The following CLIP4 variants were observed in gnomAD, a reference collection of about 807,000 sequenced individuals.
CLIP4 encodes CAP-Gly domain containing linker protein family member 4, also known as CAP-Gly domain-containing linker protein 4.
In CLIP4, 47 loss-of-function variants were observed where a neutral mutation model predicts 73.1. That is an observed-to-expected ratio of 0.64 (90% CI 0.51 to 0.82). CLIP4 has a LOEUF of 0.82. Among genes scored for constraint, CLIP4 ranks in the 40% least tolerant of loss-of-function variants. CLIP4 has a pLI of 0.00. For missense variants in CLIP4, 874 were observed against 852.9 expected, an observed-to-expected ratio of 1.02 and a Z score of -0.31; for synonymous variants, 306 against 295.4, an observed-to-expected ratio of 1.04 and a Z score of -0.37.
intron 8 of CLIP4, 24 bp downstream of exon 8, chr2:29,145,391 G>A (rs1461435078): frequency 2.6e-6 from 4 of 1,540,660 alleles, no homozygotes; most frequent in Admixed American, 1.9e-5. Context: ...TATTTAACTC[G>A]GTAAGAATTA....
intron 6 of CLIP4, among the ~76,000 whole-genome samples, chr2:29,136,188 G>T (rs12714265): frequency 0.22 from 32,376 of 143,978 alleles, 3,838 homozygotes; most frequent in African/African-American, 0.33. Context: ...TGTTGTTGTT[G>T]TTTTTTTTTT....
chr2:29,160,461 G>A lies in CLIP4; in HGVS notation c.1528G>A (p.Ala510Thr), dbSNP rs188060424. 6 of 1,614,012 alleles carry A rather than the reference G, an allele frequency of 3.7e-6. No homozygotes were observed. The highest frequency in any genetic ancestry group is 1.3e-5 in the African/African-American group (1 of 75,016). The stretch of plus-strand genomic sequence containing the variant: ...TAGGTTCTTTGGGACAACAAACTTC[G>A]CTCCAGGTAACTCATCTGCATATTT... ...TIRFFGTTNFAPGYWYGIELE... is the reference protein window; with the variant it reads ...TIRFFGTTNFTPGYWYGIELE... The change falls in exon 12 of 16, where the codon GCT becomes ACT. Residue 510 changes from alanine to threonine, a missense_variant. Coordinates refer to ENST00000320081, the MANE Select transcript of CLIP4 (RefSeq NM_024692.6).
intron 5 of CLIP4, among the ~76,000 whole-genome samples, chr2:29,135,099 C>G (rs1665255169): frequency 6.6e-6 from 1 of 152,068 alleles, no homozygotes; most frequent in Non-Finnish European, 1.5e-5. Flanking sequence ...AATGAGTGTG[C>G]CTGTGTTCTA....
chr2:29,144,798 CTTTT>C (rs34304199), intron 7 of CLIP4, among the ~76,000 whole-genome samples: 3 of 84,286 alleles, frequency 3.6e-5, no homozygotes, highest in Non-Finnish European at 6.6e-5. Flanking sequence ...AGTTATATCC[CTTTT>C]TTTTTTTTTT....
intron 6 of CLIP4, among the ~76,000 whole-genome samples, chr2:29,143,231 C>T (rs966102389): frequency 3.3e-5 from 5 of 152,182 alleles, no homozygotes; most frequent in Non-Finnish European, 5.9e-5. Context: ...GCACCGCTCC[C>T]CACATGGACG....
At chr2:29,164,437 A>G (rs1667476949) in intron 13 of CLIP4, among the ~76,000 whole-genome samples, 1 of 152,234 alleles carries the variant, frequency 6.6e-6, no homozygotes, top group African/African-American at 2.4e-5. Flanking sequence ...GTGAAACTTC[A>G]AGGATTTTTA....
At chr2:29,170,246 G>A (rs921458493) in intron 14 of CLIP4, among the ~76,000 whole-genome samples, 7 of 152,136 alleles carry the variant, frequency 4.6e-5, no homozygotes, top group African/African-American at 7.2e-5. Flanking sequence ...TCAATGTACT[G>A]ATTTCCTTTC....
chr2:29,181,750 C>G lies in CLIP4; in HGVS notation c.1975C>G (p.Arg659Gly), dbSNP rs780523421. Reference protein sequence around the residue: ...ASGIWLGLELRSAKGKNDGSV... With the variant: ...ASGIWLGLELGSAKGKNDGSV... The stretch of plus-strand genomic sequence containing the variant: ...AGGTATCTGGCTTGGACTTGAGCTC[C>G]GAAGCGCCAAGGGAAAAAATGATGG... The change falls in exon 16 of 16, where the codon CGA becomes GGA. Residue 659 changes from arginine (R) to glycine (G), a missense_variant. By Grantham distance (125) the Arg-to-Gly change is moderately radical. Coordinates refer to ENST00000320081, the MANE Select transcript of CLIP4 (RefSeq NM_024692.6). 7 of 1,613,912 alleles carry G rather than the reference C, an allele frequency of 4.3e-6. No homozygotes were observed. In the Admixed American group the frequency reaches 8.3e-5, roughly 19 times the overall value.
At chr2:29,102,518 G>A (rs775852141) in intron 1 of CLIP4, among the ~76,000 whole-genome samples, 16 of 152,130 alleles carry the variant, frequency 1.1e-4, no homozygotes, top group South Asian at 4.1e-4. Context: ...CCTGGCTCTC[G>A]TCCCTCTCAC....
intron 14 of CLIP4, among the ~76,000 whole-genome samples, chr2:29,168,606 T>C (rs1243540518): frequency 7.4e-6 from 1 of 134,258 alleles, no homozygotes; most frequent in Non-Finnish European, 1.5e-5. Context: ...CACCGCAAGC[T>C]CCGCCTCCCA....
intron 6 of CLIP4, among the ~76,000 whole-genome samples, chr2:29,139,218 G>C (rs948207345): frequency 6.6e-6 from 1 of 151,852 alleles, no homozygotes; most frequent in East Asian, 1.9e-4. Context: ...TATCATGAAG[G>C]GGTGTTGGAA....
chr2:29,152,650 ATTGT>A (rs1666650187), intron 8 of CLIP4, 31 bp from the exon 9 acceptor site: 2 of 1,597,754 alleles, frequency 1.3e-6, no homozygotes, highest in East Asian at 4.5e-5. Flanking sequence ...AAATGTTTTA[ATTGT>A]TTAACACTAA....
intron 14 of CLIP4, among the ~76,000 whole-genome samples, chr2:29,170,761 G>A (rs1667951880): frequency 6.6e-6 from 1 of 151,258 alleles, no homozygotes; most frequent in Non-Finnish European, 1.5e-5. Context: ...TCCATTTTGA[G>A]TTAATTTTTG....
chr2:29,131,631 G>T (rs1572906809), intron 3 of CLIP4: 1 of 357,812 alleles, frequency 2.8e-6, no homozygotes. Flanking sequence ...TGCAGGGAGG[G>T]GCATTTTTCA....
chr2:29,162,137 A>G (rs1667334392), intron 12 of CLIP4, among the ~76,000 whole-genome samples: 1 of 152,176 alleles, frequency 6.6e-6, no homozygotes, highest in Admixed American at 6.5e-5. Context: ...CTCTGATGTT[A>G]TTAAACCAAG....
At chr2:29,133,321 T>C (rs1665113289) in intron 4 of CLIP4, among the ~76,000 whole-genome samples, 1 of 152,174 alleles carries the variant, frequency 6.6e-6, no homozygotes, top group Non-Finnish European at 1.5e-5. Flanking sequence ...CGGAACACGT[T>C]TGGGGGAGCA....
chr2:29,168,547 G>A (rs1339142383), intron 14 of CLIP4, among the ~76,000 whole-genome samples: 11 of 103,996 alleles, frequency 1.1e-4, no homozygotes, highest in Non-Finnish European at 1.9e-4. Flanking sequence ...TTTTTGAGAC[G>A]AGTCTCTCTC....
At chr2:29,123,795 A>G (rs1664420498) in intron 2 of CLIP4, among the ~76,000 whole-genome samples, 1 of 152,198 alleles carries the variant, frequency 6.6e-6, no homozygotes, top group African/African-American at 2.4e-5. Flanking sequence ...TAATGAGTGT[A>G]AAACAAAGAA....
Position 29,138,277 on chromosome 2 carries a change from T to A in CLIP4, c.648+2611T>A, listed in dbSNP as rs561012020. 3.3e-5 allele frequency among the ~76,000 whole-genome samples: 5 copies of A among 152,240 alleles called. No homozygotes were observed. The South Asian group carries it at 1.0e-3, about 32-fold the overall frequency. Reference sequence around the variant, plus strand: ...TGAGTAGAGTGTCCTTTCCCTACTGTTTATTTTTGTCAGCTTTGTCAAAGA... The same window carrying A: ...TGAGTAGAGTGTCCTTTCCCTACTGATTATTTTTGTCAGCTTTGTCAAAGA... On this transcript the variant is annotated intron_variant, in intron 6 of 15. Transcript: ENST00000320081.
Sources: gnomAD v4.1 joint callset for allele counts (sites outside exome capture counted in the v4.1 genomes callset) on GRCh38, gnomAD v4.1.1 for gene constraint, MANE v1.5 for transcripts, NCBI Gene and HGNC (gene_info 2026-07-23, HGNC 2026-07-21) for gene names.